Variants in ZNF544 observed in about 807,000 individuals in gnomAD.
ZNF544 encodes zinc finger protein 544, also known as zinc finger protein AF020591.
In ZNF544, 10 loss-of-function variants were observed where a neutral mutation model predicts 13.5. The ratio of observed to expected loss-of-function variants is 0.74; its 90% CI spans 0.46 to 1.25. ZNF544 has a LOEUF of 1.25. Among genes scored for constraint, ZNF544 ranks in the 50% most tolerant of loss-of-function variants. The probability of loss-of-function intolerance (pLI) is 0.00; values close to 1 mark genes in which losing one functional copy is unlikely to be tolerated. For synonymous variants in ZNF544, 323 were observed against 300.5 expected (o/e 1.07, Z -0.77); for missense variants, 896 against 845.6 (o/e 1.06, Z -0.74).
In ZNF544 at chr19:58,261,431, T is replaced by C. The variant is rs894360705; in HGVS notation, c.825T>C (p.Tyr275=). ...AGAAAAGTGATGACTGTAAGGATTA[T>C]GGAAACCTCTTCAGTCACAGTGTGT... ...SVKKSDDCKD[Y]GNLFSHSVSL... Residue 275 remains tyrosine, a synonymous_variant, in exon 7 of 7, where the codon TAT becomes TAC. Transcript: ENST00000687789. 3 of 1,614,118 alleles carry C rather than the reference T, an allele frequency of 1.9e-6. 1 individual carries two copies. In the African/African-American group the frequency reaches 4.0e-5, roughly 22 times the overall value.
intron 6 of ZNF544, among the ~76,000 whole-genome samples, chr19:58,254,068 C>T (rs918858188): frequency 1.3e-5 from 2 of 152,020 alleles, no homozygotes; most frequent in Admixed American, 6.6e-5. Context: ...ACTAAAAATA[C>T]AAAAAATTAG....
intron 3 of ZNF544, among the ~76,000 whole-genome samples, chr19:58,242,826 G>A (rs1278224036): frequency 6.6e-6 from 1 of 152,142 alleles, no homozygotes; most frequent in Non-Finnish European, 1.5e-5. Context: ...AGCCTTCTGG[G>A]TAGCTGGGAT....
In ZNF544 at chr19:58,269,209, C is replaced by G. The variant is rs746632914; in HGVS notation, c.245-7114C>G. 1.0e-3 allele frequency among the ~76,000 whole-genome samples: 151 copies of G among 148,666 alleles called. 1 individual carries two copies. The highest frequency in any genetic ancestry group is 2.1e-3 in the Non-Finnish European group (142 of 66,956). On this transcript the variant is annotated intron_variant, in intron 5 of 6. Coordinates refer to the ZNF544 transcript ENST00000595981. ...CAGCTCTTTGGGAGGCTGAGGCAGG[C>G]AGATCACCTGAAGTCAAGAGTTTGA... is the stretch of plus-strand genomic sequence containing the variant.
chr19:58,237,412 A>G (rs2042644113), intron 3 of ZNF544, among the ~76,000 whole-genome samples: 1 of 152,182 alleles, frequency 6.6e-6, no homozygotes, highest in Non-Finnish European at 1.5e-5. Flanking sequence ...TACAGGGGCC[A>G]CAAGACACTG....
At chr19:58,249,587 C>T (rs1403253398) in intron 6 of ZNF544, among the ~76,000 whole-genome samples, 1 of 152,140 alleles carries the variant, frequency 6.6e-6, no homozygotes, top group East Asian at 1.9e-4. Flanking sequence ...TGACCAGGAG[C>T]CCCATGACTC....
intron 6 of ZNF544, chr19:58,277,142 C>A (rs576449982): frequency 8.1e-7 from 1 of 1,227,774 alleles, no homozygotes; most frequent in African/African-American, 1.6e-5. Flanking sequence ...CATGTCCTCT[C>A]ATAATTTTGT....
At chr19:58,251,333 A>G (rs745605565) in intron 6 of ZNF544, 1 of 519,062 alleles carries the variant, frequency 1.9e-6, no homozygotes, top group Non-Finnish European at 3.8e-6. Context: ...CACAAGTCAC[A>G]GGTGTAGTGG....
intron 5 of ZNF544, among the ~76,000 whole-genome samples, chr19:58,270,592 A>G (rs1162451921): frequency 6.6e-6 from 1 of 151,950 alleles, no homozygotes; most frequent in Non-Finnish European, 1.5e-5. Context: ...GAGCCATTGC[A>G]CCCGGCCTGT....
chr19:58,252,559 A>G (rs999512068), intron 6 of ZNF544, among the ~76,000 whole-genome samples: 3 of 151,956 alleles, frequency 2.0e-5, no homozygotes, highest in Admixed American at 6.5e-5. Context: ...TTTTAAGTCA[A>G]CAACCTGAAT....
chr19:58,233,665 A>T (rs2041819137), intron 3 of ZNF544, among the ~76,000 whole-genome samples: 1 of 152,180 alleles, frequency 6.6e-6, no homozygotes, highest in Non-Finnish European at 1.5e-5. Flanking sequence ...CCCCTCCTAT[A>T]TTAGATCTGT....
intron 6 of ZNF544, 63 bp from the exon 7 acceptor site, chr19:58,260,788 C>G: frequency 1.4e-6 from 2 of 1,421,734 alleles, no homozygotes; most frequent in Non-Finnish European, 1.9e-6. Flanking sequence ...TCTCCTTCAT[C>G]TCCCCCTCCC....
At chr19:58,230,652 G>C (rs2041007408) in intron 3 of ZNF544, among the ~76,000 whole-genome samples, 190 bp downstream of exon 3, 1 of 152,218 alleles carries the variant, frequency 6.6e-6, no homozygotes, top group Non-Finnish European at 1.5e-5. Flanking sequence ...AGACCTCTTG[G>C]ATGTGGTCTA....
rs759536356 is a variant in ZNF544 at position 58,262,224 on chromosome 19, C to T, written c.1618C>T (p.Arg540Ter). The T allele has an allele frequency of 3.7e-5, 59 of 1,613,602 alleles. No homozygotes were observed. Among genetic ancestry groups the T allele is most frequent in the Middle Eastern group, 1.6e-4 (1 of 6,062 alleles). The change falls in exon 7 of 7, where the codon CGA becomes TGA. Residue 540 changes from arginine (R) to a stop codon, truncating the protein, a stop_gained. Coordinates refer to ENST00000687789, the MANE Select transcript of ZNF544 (RefSeq NM_014480.4). LOFTEE classifies it low-confidence loss of function (END_TRUNC). ...GAGTTCCAAACTTATTACGCATCAG[C>T]GAATTCACACTGGAGAAAAACCGTA... is the stretch of plus-strand genomic sequence containing the variant. ...SQSSKLITHQ[R>*]IHTGEKPYQC...
At chr19:58,257,107 G>A (rs1240348450) in intron 6 of ZNF544, among the ~76,000 whole-genome samples, 1 of 152,042 alleles carries the variant, frequency 6.6e-6, no homozygotes, top group Non-Finnish European at 1.5e-5. Context: ...ATTTTTATTA[G>A]AGACGGGTTT....
intron 5 of ZNF544, among the ~76,000 whole-genome samples, chr19:58,273,318 A>G (rs1162023010): frequency 6.6e-6 from 1 of 152,206 alleles, no homozygotes; most frequent in Non-Finnish European, 1.5e-5. Flanking sequence ...CAAAGAGGAA[A>G]TAAAAATACT....
intron 4 of ZNF544, among the ~76,000 whole-genome samples, chr19:58,245,284 A>G (rs978752860): frequency 7.4e-6 from 1 of 135,284 alleles, no homozygotes; most frequent in East Asian, 2.2e-4. Context: ...AAAATTAATC[A>G]CCTTGTTTGT....
At chr19:58,232,465 C>G (rs1438459283) in intron 3 of ZNF544, among the ~76,000 whole-genome samples, 3 of 150,684 alleles carry the variant, frequency 2.0e-5, no homozygotes, top group Non-Finnish European at 2.9e-5. Context: ...ATCCTCCCAC[C>G]TCAGCCTTCT....
intron 3 of ZNF544, among the ~76,000 whole-genome samples, chr19:58,241,921 TTCTC>T (rs143693031): frequency 3.1e-4 from 46 of 149,572 alleles, no homozygotes; most frequent in South Asian, 4.2e-4. Flanking sequence ...TGCTGTTCAC[TTCTC>T]TCTCTCTCTC....
Position 58,262,292 on chromosome 19 carries a change from C to G in ZNF544, c.1686C>G (p.Asn562Lys). 6.2e-7 allele frequency: 1 copy of G among 1,613,890 alleles called. No homozygotes were observed. Among genetic ancestry groups the G allele is most frequent in the Non-Finnish European group, 8.5e-7 (1 of 1,180,002 alleles). ...GGAAATCCTTCAGATGGAACTCTAA[C>G]CTCGTCATACATCAGAGAATTCATA... ...ECGKSFRWNS[N>K]LVIHQRIHTG... Residue 562 changes from asparagine to lysine, a missense_variant, in exon 7 of 7, where the codon AAC (asparagine) becomes AAG (lysine). By Grantham distance (94) the Asn-to-Lys change is moderately conservative. Coordinates refer to ENST00000687789, the MANE Select transcript of ZNF544 (RefSeq NM_014480.4).
Sources: gnomAD v4.1 joint callset for allele counts (sites outside exome capture counted in the v4.1 genomes callset) on GRCh38, gnomAD v4.1.1 for gene constraint, MANE v1.5 for transcripts, NCBI Gene and HGNC (gene_info 2026-07-23, HGNC 2026-07-21) for gene names.